CHRDL1: variants seen among roughly 807,000 people sequenced by gnomAD.
CHRDL1 encodes the protein chordin-like protein 1.
A neutral mutation model predicts 40.9 loss-of-function variants in CHRDL1; 19 were observed. The observed-to-expected ratio is 0.46, with a 90% CI of 0.32 to 0.68. CHRDL1 has a LOEUF of 0.68. Among genes scored for constraint, CHRDL1 ranks in the 30% least tolerant of loss-of-function variants. CHRDL1 has a pLI of 0.03. For synonymous variants in CHRDL1, 136 were observed against 123.4 expected, an observed-to-expected ratio of 1.10 and a Z score of -0.68; for missense variants, 329 against 352.1, an observed-to-expected ratio of 0.93 and a Z score of 0.53.
chrX:110,737,570 T>A (rs760453893), intron 4 of CHRDL1, among the ~76,000 whole-genome samples: 3 of 112,106 alleles, frequency 2.7e-5, no homozygotes, highest in Non-Finnish European at 5.6e-5. Context: ...TAAGAGTTCA[T>A]CTTATTCAGA....
At chrX:110,756,235 CA>C (rs1569479453) in intron 4 of CHRDL1, among the ~76,000 whole-genome samples, 1 of 111,194 alleles carries the variant, frequency 9.0e-6, no homozygotes, top group African/African-American at 3.3e-5. Flanking sequence ...TTCAGAAACA[CA>C]AAAAAACTCT....
chrX:110,707,011 A>T (rs780798382), intron 6 of CHRDL1, among the ~76,000 whole-genome samples: 1 of 111,718 alleles, frequency 9.0e-6, no homozygotes, highest in South Asian at 3.8e-4. Context: ...TCTCCTTACC[A>T]TGAGCTGGGT....
chrX:110,783,150 G>A (rs758050222), intron 2 of CHRDL1, among the ~76,000 whole-genome samples: 4 of 111,872 alleles, frequency 3.6e-5, no homozygotes, highest in African/African-American at 9.7e-5. Context: ...CTTTTGAGAT[G>A]GAGATTTGCT....
intron 4 of CHRDL1, among the ~76,000 whole-genome samples, chrX:110,737,841 T>TA (rs199745050): frequency 0.054 from 5,960 of 109,785 alleles, 442 homozygotes; most frequent in African/African-American, 0.19. Context: ...TACCCCCAAT[T>TA]AAAAAAAAAT....
intron 6 of CHRDL1, among the ~76,000 whole-genome samples, chrX:110,716,260 G>A (rs1191432335): frequency 9.1e-6 from 1 of 110,295 alleles, no homozygotes; most frequent in Non-Finnish European, 1.9e-5. Context: ...AGTAATTCAG[G>A]GGGAAAAATG....
chrX:110,713,245 C>T (rs1030085399), intron 6 of CHRDL1, among the ~76,000 whole-genome samples: 7 of 111,648 alleles, frequency 6.3e-5, no homozygotes, highest in African/African-American at 2.0e-4. Flanking sequence ...TATATCATGA[C>T]GTGGTGTCTA....
chrX:110,688,964 G>A (rs1452088081), intron 8 of CHRDL1, among the ~76,000 whole-genome samples, 161 bp from the exon 9 acceptor site: 6 of 105,003 alleles, frequency 5.7e-5, no homozygotes, highest in African/African-American at 2.1e-4. Flanking sequence ...CCAAAAAACA[G>A]CTTGGGCCAT....
At chrX:110,716,446 GGAT>G (rs1298400996) in intron 6 of CHRDL1, among the ~76,000 whole-genome samples, 2 of 110,501 alleles carry the variant, frequency 1.8e-5, no homozygotes, top group African/African-American at 6.6e-5. Flanking sequence ...GCATTAATAG[GGAT>G]GATAATACAT....
At chrX:110,757,627 AAGGTTAT>A (rs1158209747) in intron 4 of CHRDL1, among the ~76,000 whole-genome samples, 1 of 111,852 alleles carries the variant, frequency 8.9e-6, no homozygotes, top group Non-Finnish European at 1.9e-5. Flanking sequence ...AGAGCTGTTA[AAGGTTAT>A]AGTTAACAAG....
chrX:110,691,954 C>T (rs1416659639), intron 8 of CHRDL1, among the ~76,000 whole-genome samples: 6 of 108,885 alleles, frequency 5.5e-5, no homozygotes, highest in Non-Finnish European at 1.1e-4. Context: ...CAAACAGTAA[C>T]GTTCCCTTCT....
intron 2 of CHRDL1, among the ~76,000 whole-genome samples, chrX:110,790,548 T>C (rs1451945904): frequency 1.8e-5 from 2 of 111,307 alleles, no homozygotes; most frequent in African/African-American, 6.5e-5. Flanking sequence ...GAAGTTTCTC[T>C]CTAAGACAGG....
chrX:110,745,659 A>G (rs1037890227), intron 4 of CHRDL1, among the ~76,000 whole-genome samples: 2 of 111,529 alleles, frequency 1.8e-5, no homozygotes, highest in Non-Finnish European at 3.8e-5. Flanking sequence ...CCTTGTCCAC[A>G]CTTCTACCAG....
At chrX:110,726,467 T>C (rs900957651) in intron 4 of CHRDL1, among the ~76,000 whole-genome samples, 3 of 111,765 alleles carry the variant, frequency 2.7e-5, no homozygotes, top group Non-Finnish European at 5.6e-5. Context: ...TACCTTGATC[T>C]TGGATTTCCA....
chrX:110,748,497 C>T (rs2089297596), intron 4 of CHRDL1, among the ~76,000 whole-genome samples: 1 of 111,668 alleles, frequency 9.0e-6, no homozygotes, highest in African/African-American at 3.3e-5. Flanking sequence ...TACTGCTTGT[C>T]AGGCCTGTCA....
chrX:110,707,059 G>A (rs72619703), intron 6 of CHRDL1, among the ~76,000 whole-genome samples: 3 of 111,469 alleles, frequency 2.7e-5, no homozygotes, highest in East Asian at 2.8e-4. Flanking sequence ...GCTCCATACC[G>A]AAGCTAGAGA....
chrX:110,688,927 G>A (rs2070084839), intron 8 of CHRDL1, 124 bp from the exon 9 acceptor site: 1 of 520,510 alleles, frequency 1.9e-6, no homozygotes, highest in Non-Finnish European at 3.1e-6. Flanking sequence ...TAGCCATGGG[G>A]CTATGTTTAC....
chrX:110,778,305 G>C (rs2089885160), intron 2 of CHRDL1, among the ~76,000 whole-genome samples: 1 of 112,153 alleles, frequency 8.9e-6, no homozygotes, highest in Admixed American at 9.5e-5. Flanking sequence ...AGCATCCACA[G>C]AGTAAACAGA....
Position 110,715,024 on chromosome X carries a change from C to G in CHRDL1, c.541+4811G>C, listed in dbSNP as rs759382644. ...AAAGAAACTGGAGGCAATGAAAGAACAACAATTTTTACAAAAGTGTAGGAT... is the reference window on the plus strand; with the variant it reads ...AAAGAAACTGGAGGCAATGAAAGAAGAACAATTTTTACAAAAGTGTAGGAT... On this transcript the variant is annotated intron_variant, in intron 6 of 11. Coordinates refer to ENST00000372042, the MANE Select transcript of CHRDL1 (RefSeq NM_001143981.2). Among the ~76,000 whole-genome samples the G allele has an allele frequency of 1.8e-4, 20 of 111,370 alleles. No homozygotes were observed. In the East Asian group the frequency reaches 3.9e-3, roughly 22 times the overall value.
At chrX:110,728,248 G>T (rs1337212346) in intron 4 of CHRDL1, among the ~76,000 whole-genome samples, 1 of 110,881 alleles carries the variant, frequency 9.0e-6, no homozygotes, top group Non-Finnish European at 1.9e-5. Flanking sequence ...GTGGGACGGG[G>T]TGAATAAGAT....
Sources: gnomAD v4.1 joint callset for allele counts (sites outside exome capture counted in the v4.1 genomes callset) on GRCh38, gnomAD v4.1.1 for gene constraint, MANE v1.5 for transcripts, NCBI Gene and HGNC (gene_info 2026-07-23, HGNC 2026-07-21) for gene names.